Variants in TAFA5 observed in about 807,000 individuals in gnomAD.
TAFA5 encodes chemokine-like protein TAFA-5.
Under a neutral mutation model 15.3 loss-of-function variants are expected in TAFA5, and 6 were observed. The observed-to-expected ratio is 0.39, with a 90% CI of 0.21 to 0.77. The LOEUF is 0.77. Among genes scored for constraint, TAFA5 ranks in the 30% least tolerant of loss-of-function variants. The pLI is 0.41. For synonymous variants in TAFA5, 103 were observed against 80.7 expected, an observed-to-expected ratio of 1.28 and a Z score of -1.48; for missense variants, 161 against 193.1, an observed-to-expected ratio of 0.83 and a Z score of 0.98.
At chr22:48,523,624 G>A (rs1394161938) in intron 1 of TAFA5, among the ~76,000 whole-genome samples, 1 of 152,166 alleles carries the variant, frequency 6.6e-6, no homozygotes, top group East Asian at 1.9e-4. Context: ...CAGATCAGCC[G>A]CCTGGACTGA....
intron 1 of TAFA5, among the ~76,000 whole-genome samples, chr22:48,587,502 A>C (rs1443694906): frequency 6.6e-6 from 1 of 152,190 alleles, no homozygotes; most frequent in Non-Finnish European, 1.5e-5. Flanking sequence ...TCACAGCTCC[A>C]GGCACCAAGG....
chr22:48,567,620 C>G (rs12627980), intron 1 of TAFA5, among the ~76,000 whole-genome samples: 28,865 of 152,012 alleles, frequency 0.19, 3,021 homozygotes, highest in Non-Finnish European at 0.23. Flanking sequence ...GCCTGCTCCT[C>G]CAAAGGTCCC....
chr22:48,578,469 C>T (rs1419913276), intron 1 of TAFA5, among the ~76,000 whole-genome samples: 1 of 152,172 alleles, frequency 6.6e-6, no homozygotes, highest in Non-Finnish European at 1.5e-5. Context: ...TGGAGCAGGC[C>T]TCGCTTAGTG....
chr22:48,630,863 CA>C (rs1926198429), intron 1 of TAFA5, among the ~76,000 whole-genome samples: 1 of 152,154 alleles, frequency 6.6e-6, no homozygotes, highest in African/African-American at 2.4e-5. Flanking sequence ...AAAGTGAGCC[CA>C]AATCTGCCCC....
At chr22:48,687,306 G>A (rs2147235015) in intron 2 of TAFA5, among the ~76,000 whole-genome samples, 1 of 151,352 alleles carries the variant, frequency 6.6e-6, no homozygotes, top group Non-Finnish European at 1.5e-5. Flanking sequence ...GTGGATGGGT[G>A]GGTGGATGAA....
intron 1 of TAFA5, among the ~76,000 whole-genome samples, chr22:48,600,270 C>T (rs768978551): frequency 5.9e-5 from 9 of 152,282 alleles, no homozygotes; most frequent in Middle Eastern, 3.4e-3. Context: ...GGGGCGTCCC[C>T]GGGGAGGATG....
chr22:48,632,664 G>T (rs1926274809), intron 1 of TAFA5, among the ~76,000 whole-genome samples: 1 of 152,244 alleles, frequency 6.6e-6, no homozygotes, highest in African/African-American at 2.4e-5. Flanking sequence ...CGTTCTCTGT[G>T]TTGGGCATTG....
chr22:48,697,590 A>T (rs1158252205), intron 2 of TAFA5, among the ~76,000 whole-genome samples: 1 of 120,502 alleles, frequency 8.3e-6, no homozygotes, highest in Non-Finnish European at 1.7e-5. Context: ...AATGACTGTG[A>T]TGTTGAGGAT....
At chr22:48,521,934 G>C (rs539485362) in intron 1 of TAFA5, among the ~76,000 whole-genome samples, 5 of 152,252 alleles carry the variant, frequency 3.3e-5, no homozygotes, top group South Asian at 4.2e-4. Context: ...GACCAAACTC[G>C]GGGAGGGGCT....
At chr22:48,633,539 C>CT (rs1569056626) in intron 1 of TAFA5, among the ~76,000 whole-genome samples, 14,964 of 128,220 alleles carry the variant, frequency 0.12, 1,050 homozygotes, top group East Asian at 0.16. Flanking sequence ...TCTGTCTCTC[C>CT]CTCTCTCTCT....
At chr22:48,574,597 C>A (rs1923695295) in intron 1 of TAFA5, among the ~76,000 whole-genome samples, 1 of 152,186 alleles carries the variant, frequency 6.6e-6, no homozygotes. Context: ...TCATGTGAAC[C>A]ACATGCACCG....
chr22:48,545,221 T>G, intron 1 of TAFA5: 1 of 291,578 alleles, frequency 3.4e-6, no homozygotes, highest in Non-Finnish European at 6.8e-6. Flanking sequence ...AAGCCTGCCA[T>G]CCAGACCGTG....
At chr22:48,733,764 G>C (rs1929933054) in intron 3 of TAFA5, among the ~76,000 whole-genome samples, 1 of 152,150 alleles carries the variant, frequency 6.6e-6, no homozygotes, top group Non-Finnish European at 1.5e-5. Context: ...CCATCCGTTC[G>C]TGTGTTCATT....
intron 2 of TAFA5, among the ~76,000 whole-genome samples, chr22:48,664,175 G>T (rs1464322794): frequency 2.0e-5 from 3 of 152,212 alleles, no homozygotes; most frequent in African/African-American, 7.2e-5. Flanking sequence ...AATGGATTTT[G>T]ATTGATGGCA....
chr22:48,717,697 G>A (rs7291806), intron 3 of TAFA5, among the ~76,000 whole-genome samples: 9,518 of 152,292 alleles, frequency 0.062, 360 homozygotes, highest in Admixed American at 0.095. Context: ...GAGAGTTCCA[G>A]TGCTTCCCAG....
intron 1 of TAFA5, among the ~76,000 whole-genome samples, chr22:48,531,348 C>CGGCCT (rs1192073126): frequency 6.6e-6 from 1 of 152,142 alleles, no homozygotes; most frequent in Non-Finnish European, 1.5e-5. Flanking sequence ...TCTGGGGCAC[C>CGGCCT]GGCCTGCCTG....
At chr22:48,610,302 G>C (rs28479940) in intron 1 of TAFA5, among the ~76,000 whole-genome samples, 32,383 of 152,250 alleles carry the variant, frequency 0.21, 3,493 homozygotes, top group African/African-American at 0.24. Flanking sequence ...CTTGCCCGTT[G>C]CTCGTGATTC....
At chr22:48,748,895 G>A (rs112602317) in intron 3 of TAFA5, among the ~76,000 whole-genome samples, 2 of 152,324 alleles carry the variant, frequency 1.3e-5, no homozygotes, top group African/African-American at 4.8e-5. Flanking sequence ...ACAGCATCAG[G>A]GTGGGCTCAG....
intron 2 of TAFA5, among the ~76,000 whole-genome samples, chr22:48,686,413 G>A (rs1203219767): frequency 1.3e-5 from 2 of 152,208 alleles, no homozygotes; most frequent in East Asian, 3.9e-4. Context: ...TGGAAAGGAT[G>A]AGGGGCCTCT....
Sources: allele counts gnomAD v4.1 joint callset (sites outside exome capture counted in the v4.1 genomes callset), GRCh38; gene constraint gnomAD v4.1.1; transcripts MANE v1.5; gene names NCBI Gene and HGNC (gene_info 2026-07-23, HGNC 2026-07-21).